PCBP3: variants seen among roughly 807,000 people sequenced by gnomAD.
PCBP3 encodes the protein poly(rC) binding protein 3, also known as poly(rC)-binding protein 3.
In PCBP3, 25 loss-of-function variants were observed where a neutral mutation model predicts 52.7. The ratio of observed to expected loss-of-function variants is 0.47; its 90% CI spans 0.35 to 0.66. PCBP3 has a LOEUF of 0.66. Among genes scored for constraint, PCBP3 ranks in the 30% least tolerant of loss-of-function variants. The pLI is 0.01. For missense variants in PCBP3, 391 were observed against 490.3 expected, an observed-to-expected ratio of 0.80 and a Z score of 1.91; for synonymous variants, 162 against 183.0, an observed-to-expected ratio of 0.89 and a Z score of 0.93.
intron 2 of PCBP3, among the ~76,000 whole-genome samples, chr21:45,676,792 G>A (rs2081496354): frequency 1.3e-5 from 2 of 152,014 alleles, no homozygotes; most frequent in African/African-American, 4.8e-5. Flanking sequence ...TTATTTTTGA[G>A]ACAGAGTCTC....
chr21:45,645,522 A>G (rs1322318139), intron 1 of PCBP3, among the ~76,000 whole-genome samples: 6 of 152,156 alleles, frequency 3.9e-5, no homozygotes, highest in Non-Finnish European at 7.3e-5. Flanking sequence ...ATGGTGGGGG[A>G]AAACCCACAC....
chr21:45,770,618 G>A (rs1177758717), intron 4 of PCBP3, among the ~76,000 whole-genome samples: 1 of 152,206 alleles, frequency 6.6e-6, no homozygotes, highest in African/African-American at 2.4e-5. Context: ...ATTTTCTGCT[G>A]TGAGCCCTCA....
chr21:45,855,098 C>T (rs1263281264), intron 5 of PCBP3, among the ~76,000 whole-genome samples: 1 of 152,128 alleles, frequency 6.6e-6, no homozygotes, highest in Non-Finnish European at 1.5e-5. Context: ...CCGCAGGGGC[C>T]CCCAGGCTCC....
intron 1 of PCBP3, among the ~76,000 whole-genome samples, chr21:45,667,739 T>C (rs1440502418): frequency 6.6e-6 from 1 of 152,226 alleles, no homozygotes; most frequent in Non-Finnish European, 1.5e-5. Context: ...GTATGTGTCA[T>C]AGTACTTTTT....
chr21:45,716,375 G>C (rs867473001), intron 2 of PCBP3, among the ~76,000 whole-genome samples: 2 of 152,126 alleles, frequency 1.3e-5, no homozygotes, highest in Non-Finnish European at 2.9e-5. Context: ...TAGTCTGCTA[G>C]GGCTGCCATA....
At chr21:45,734,014 A>G (rs969872980) in intron 2 of PCBP3, among the ~76,000 whole-genome samples, 2 of 152,278 alleles carry the variant, frequency 1.3e-5, no homozygotes, top group African/African-American at 2.4e-5. Context: ...GATGAAAGAC[A>G]TCGTAAACTT....
intron 2 of PCBP3, among the ~76,000 whole-genome samples, chr21:45,723,270 T>C (rs2148352080): frequency 6.6e-6 from 1 of 152,300 alleles, no homozygotes; most frequent in African/African-American, 2.4e-5. Context: ...CGAGGGAGGC[T>C]CTGGGGCAGG....
intron 2 of PCBP3, among the ~76,000 whole-genome samples, chr21:45,703,759 A>G (rs974623973): frequency 1.3e-5 from 2 of 152,132 alleles, no homozygotes; most frequent in African/African-American, 4.8e-5. Context: ...GTGGATATGC[A>G]TGGTGGCTGG....
chr21:45,711,329 A>G (rs1226221802), intron 2 of PCBP3, among the ~76,000 whole-genome samples: 1 of 152,206 alleles, frequency 6.6e-6, no homozygotes, highest in East Asian at 1.9e-4. Context: ...CTGTGTGTAT[A>G]TACATCTATA....
In PCBP3 at chr21:45,904,185, G is replaced by A. The variant is rs192821859; in HGVS notation, c.339+3072G>A. ...TCTACAGTCATTTGTCATCTCTGCC[G>A]CAGCAGGGCAGAGTCGAGTATCAGG... is the stretch of plus-strand genomic sequence containing the variant. On this transcript the variant is annotated intron_variant, in intron 9 of 17. Coordinates refer to ENST00000681687, the MANE Select transcript of PCBP3 (RefSeq NM_001384156.1). This position sits in a 1 kb window ranked among gnomAD's most constrained non-coding sequence, Gnocchi z 4.8. 9.9e-5 allele frequency among the ~76,000 whole-genome samples: 15 copies of A among 152,282 alleles called. No individual in the cohort carries two copies. The highest frequency in any genetic ancestry group is 9.1e-4 in the Admixed American group (14 of 15,306).
intron 2 of PCBP3, among the ~76,000 whole-genome samples, chr21:45,681,285 A>G (rs560759328): frequency 4.6e-5 from 7 of 152,332 alleles, no homozygotes; most frequent in Admixed American, 3.9e-4. Flanking sequence ...ATTTTGTCAA[A>G]TGCTTCACTA....
intron 4 of PCBP3, among the ~76,000 whole-genome samples, chr21:45,780,786 T>C (rs2090579574): frequency 6.6e-6 from 1 of 151,930 alleles, no homozygotes; most frequent in Non-Finnish European, 1.5e-5. Flanking sequence ...AACCAGCAGG[T>C]GGGGAGCAAG....
At chr21:45,849,861 CT>C (rs2093926902) in intron 4 of PCBP3, 99 bp from the exon 5 acceptor site, 1 of 575,402 alleles carries the variant, frequency 1.7e-6, no homozygotes, top group Non-Finnish European at 3.2e-6. Context: ...GAGGTGTTGA[CT>C]GCTGTGTTGA....
chr21:45,725,361 C>A (rs2084949871), intron 2 of PCBP3, among the ~76,000 whole-genome samples: 1 of 152,162 alleles, frequency 6.6e-6, no homozygotes, highest in South Asian at 2.1e-4. Context: ...TTTCCCTTTC[C>A]CTTGTCCAAT....
At chr21:45,783,048 T>C (rs2090764186) in intron 4 of PCBP3, among the ~76,000 whole-genome samples, 1 of 152,234 alleles carries the variant, frequency 6.6e-6, no homozygotes, top group Admixed American at 6.5e-5. Flanking sequence ...TCCTCCATAA[T>C]TGCTCTTCAA....
At chr21:45,834,138 G>A (rs1465641755) in intron 4 of PCBP3, among the ~76,000 whole-genome samples, 2 of 152,138 alleles carry the variant, frequency 1.3e-5, no homozygotes, top group East Asian at 2.0e-4. Context: ...CGAGTCCACG[G>A]GGCCCAGGAG....
chr21:45,713,157 C>G (rs889252190), intron 2 of PCBP3, among the ~76,000 whole-genome samples: 2 of 152,166 alleles, frequency 1.3e-5, no homozygotes, highest in Admixed American at 6.5e-5. Flanking sequence ...GAAATTACTT[C>G]CAGTAGTAAT....
intron 3 of PCBP3, among the ~76,000 whole-genome samples, chr21:45,753,221 G>C (rs186272397): frequency 3.3e-4 from 49 of 149,558 alleles, no homozygotes; most frequent in Non-Finnish European, 6.1e-4. Flanking sequence ...GGTATGATTG[G>C]ATTAATAGAT....
At chr21:45,666,900 G>A (rs1317156011) in intron 1 of PCBP3, among the ~76,000 whole-genome samples, 1 of 151,816 alleles carries the variant, frequency 6.6e-6, no homozygotes, top group African/African-American at 2.4e-5. Context: ...TTGATAGTTT[G>A]ATTATAATAT....
Sources: allele counts gnomAD v4.1 joint callset (sites outside exome capture counted in the v4.1 genomes callset), GRCh38; gene constraint gnomAD v4.1.1; non-coding constraint Gnocchi (gnomAD v3.1); transcripts MANE v1.5; gene names NCBI Gene and HGNC (gene_info 2026-07-23, HGNC 2026-07-21).